The following MINDY4B variants were observed in gnomAD, a reference collection of about 807,000 sequenced individuals.
MINDY4B encodes MINDY family member 4B, also known as inactive ubiquitin carboxyl-terminal hydrolase MINDY-4B.
Under a neutral mutation model 16.7 loss-of-function variants are expected in MINDY4B, and 25 were observed. That is an observed-to-expected ratio of 1.49 (90% CI 1.09 to 2.09). The LOEUF (loss-of-function observed/expected upper bound fraction) is 2.09. Ranked by LOEUF, MINDY4B falls within the 30% of genes most tolerant of loss-of-function variation. The pLI is 0.00. For synonymous variants in MINDY4B, 132 were observed against 61.9 expected, an observed-to-expected ratio of 2.13 and a Z score of -5.32; for missense variants, 327 against 168.4, an observed-to-expected ratio of 1.94 and a Z score of -5.21.
chr3:150,893,785 G>A (rs971424236), intron 4 of MINDY4B, among the ~76,000 whole-genome samples: 2 of 151,818 alleles, frequency 1.3e-5, no homozygotes, highest in African/African-American at 4.8e-5. Flanking sequence ...CCACCCCCTG[G>A]GTTCAAGCAA....
intron 11 of MINDY4B, among the ~76,000 whole-genome samples, chr3:150,871,911 G>GTTT (rs1362326754): frequency 2.6e-5 from 4 of 152,186 alleles, no homozygotes; most frequent in Admixed American, 2.0e-4. Context: ...TTTGGATGGA[G>GTTT]GGCAAGGCTT....
chr3:150,872,583 A>C (rs1388123757), intron 11 of MINDY4B, among the ~76,000 whole-genome samples: 1 of 152,178 alleles, frequency 6.6e-6, no homozygotes, highest in Non-Finnish European at 1.5e-5. Flanking sequence ...TTGGATTTGA[A>C]CCATGTTTGT....
chr3:150,883,195 T>C (rs1462977634), intron 9 of MINDY4B, 137 bp from the exon 10 acceptor site: 1 of 571,532 alleles, frequency 1.7e-6, no homozygotes, highest in Non-Finnish European at 3.1e-6. Context: ...AGGAAAAATA[T>C]GTCCTAAATA....
chr3:150,890,721 C>G lies in MINDY4B; in HGVS notation c.687+217G>C, dbSNP rs1422624677. 1.6e-5 allele frequency: 8 copies of G among 513,138 alleles called. No individual in the cohort carries two copies. The Admixed American group carries it at 2.0e-4, about 13-fold the overall frequency. The allele number at this position is 513,138 out of a possible 1,614,324, so 31.8% of individuals were successfully genotyped here. The stretch of plus-strand genomic sequence containing the variant: ...ATGATTATTTCAGATGGGAGATATT[C>G]TTGGTCCTGGTGAATTCCATAGCAG... On this transcript the variant is annotated intron_variant, in intron 6 of 11. Coordinates refer to ENST00000465419, the MANE Select transcript of MINDY4B (RefSeq NM_001351281.2).
At chr3:150,892,268 A>G (rs1379197360) in intron 5 of MINDY4B, among the ~76,000 whole-genome samples, 1 of 152,246 alleles carries the variant, frequency 6.6e-6, no homozygotes, top group Admixed American at 6.5e-5. Flanking sequence ...CCGAGCTCCC[A>G]TGGCATCAGA....
intron 7 of MINDY4B, 100 bp from the exon 8 acceptor site, chr3:150,885,538 T>C (rs144804969): frequency 3.0e-6 from 2 of 669,580 alleles, no homozygotes; most frequent in African/African-American, 1.8e-5. Flanking sequence ...AGAGAATTTT[T>C]TCCCCCTGGC....
At chr3:150,879,682 A>G (rs1463389876) in intron 10 of MINDY4B, among the ~76,000 whole-genome samples, 4 of 152,224 alleles carry the variant, frequency 2.6e-5, no homozygotes, top group African/African-American at 9.6e-5. Flanking sequence ...ACACTAGAGC[A>G]TTAAACAAAG....
intron 8 of MINDY4B, among the ~76,000 whole-genome samples, chr3:150,884,012 G>A (rs184524974): frequency 5.5e-4 from 84 of 152,310 alleles, no homozygotes; most frequent in African/African-American, 1.5e-3. Flanking sequence ...TCAAATGTTC[G>A]AATCCCTGTG....
At chr3:150,878,479 C>T (rs561047480) in intron 10 of MINDY4B, among the ~76,000 whole-genome samples, 1 of 152,102 alleles carries the variant, frequency 6.6e-6, no homozygotes, top group Non-Finnish European at 1.5e-5. Context: ...AATAAACATC[C>T]TCAGGGTTTC....
intron 7 of MINDY4B, among the ~76,000 whole-genome samples, chr3:150,886,045 A>T (rs1711614588): frequency 6.6e-6 from 1 of 152,238 alleles, no homozygotes; most frequent in Non-Finnish European, 1.5e-5. Context: ...CAGCAAAATT[A>T]ATATGTGTCC....
At chr3:150,897,301 A>T (rs1711998573) in intron 3 of MINDY4B, among the ~76,000 whole-genome samples, 1 of 145,746 alleles carries the variant, frequency 6.9e-6, no homozygotes, top group African/African-American at 2.6e-5. Flanking sequence ...ATGAGGAGTA[A>T]GTGTTCAATG....
In MINDY4B at chr3:150,885,436, G is replaced by T. The variant is rs1192567782; in HGVS notation, c.756C>A (p.Phe252Leu). Residue 252 changes from phenylalanine to leucine, a missense_variant and splice_region_variant, in exon 8 of 12, where the codon TTC (phenylalanine) becomes TTA (leucine). Coordinates refer to ENST00000465419, the MANE Select transcript of MINDY4B (RefSeq NM_001351281.2). ...TGACACCATGGCTTCCTTCCCCTCT[G>T]AACTGTTCGGAAAAGAAAAGAAAAG... Reference protein sequence around the residue: ...EKFIYDHLLCFRGEGSHGVIL... With the variant: ...EKFIYDHLLCLRGEGSHGVIL... The T allele has an allele frequency of 4.4e-6, 3 of 685,648 alleles. No individual in the cohort carries two copies. The highest frequency in any genetic ancestry group is 5.3e-6 in the Non-Finnish European group (2 of 379,484). 42.5% of individuals were successfully genotyped at this position (685,648 alleles called of 1,614,324 possible).
At chr3:150,876,246 A>G (rs1220544) in intron 10 of MINDY4B, among the ~76,000 whole-genome samples, 78,060 of 152,148 alleles carry the variant, frequency 0.51, 23,307 homozygotes, top group Admixed American at 0.68. Context: ...GTAAAATTAC[A>G]AGGACAGCAA....
chr3:150,900,145 C>A (rs1712082011), intron 3 of MINDY4B, among the ~76,000 whole-genome samples: 1 of 152,160 alleles, frequency 6.6e-6, no homozygotes, highest in Non-Finnish European at 1.5e-5. Context: ...GAGCCAGCAG[C>A]CTTGGCCAGA....
At position 150,891,404 on chromosome 3, in the gene MINDY4B, A is replaced by C. The variant is rs553074941; in HGVS notation, c.522-301T>G. On this transcript the variant is annotated intron_variant, in intron 5 of 11. Coordinates refer to ENST00000465419, the MANE Select transcript of MINDY4B (RefSeq NM_001351281.2). ...AGTCTTTATAAAGAAACACGCGATA[A>C]AGATTTATTAATTAACTCAGCAATG... 2.0e-5 allele frequency among the ~76,000 whole-genome samples: 3 copies of C among 152,334 alleles called. No homozygotes were observed. In the South Asian group the frequency reaches 6.2e-4, roughly 32 times the overall value.
Position 150,883,076 on chromosome 3 carries a change from C to T in MINDY4B, c.898-18G>A. On this transcript the variant is annotated intron_variant, in intron 9 of 11. Transcript: ENST00000465419. Reference sequence around the variant, plus strand: ...AGAACTGCCTAGAGAGCATATTTTACAGATACTTATATTTTAGATAGCAAT... The same window carrying T: ...AGAACTGCCTAGAGAGCATATTTTATAGATACTTATATTTTAGATAGCAAT... 1 of 671,408 alleles carries T rather than the reference C, an allele frequency of 1.5e-6. No homozygotes were observed. The highest frequency in any genetic ancestry group is 2.7e-6 in the Non-Finnish European group (1 of 368,870). 41.6% of individuals were successfully genotyped at this position (671,408 alleles called of 1,614,324 possible).
At chr3:150,899,050 T>A (rs189563654) in intron 3 of MINDY4B, among the ~76,000 whole-genome samples, 1 of 152,322 alleles carries the variant, frequency 6.6e-6, no homozygotes, top group Admixed American at 6.5e-5. Flanking sequence ...CTAGACCAAC[T>A]AACAGAGTAG....
intron 3 of MINDY4B, among the ~76,000 whole-genome samples, chr3:150,896,027 A>G (rs1711951525): frequency 6.6e-6 from 1 of 152,046 alleles, no homozygotes; most frequent in Non-Finnish European, 1.5e-5. Flanking sequence ...TTGGTCATTT[A>G]ACATAATCCC....
At chr3:150,885,536 T>A in intron 7 of MINDY4B, 98 bp from the exon 8 acceptor site, 1 of 669,896 alleles carries the variant, frequency 1.5e-6, no homozygotes, top group Admixed American at 2.3e-5. Flanking sequence ...TGAGAGAATT[T>A]TTTCCCCCTG....
Sources: gnomAD v4.1 joint callset for allele counts (sites outside exome capture counted in the v4.1 genomes callset) on GRCh38, gnomAD v4.1.1 for gene constraint, MANE v1.5 for transcripts, NCBI Gene and HGNC (gene_info 2026-07-23, HGNC 2026-07-21) for gene names.